The following ZNF76 variants were observed in gnomAD, a reference collection of about 807,000 sequenced individuals.
ZNF76 encodes zinc finger protein 523.
ZNF76 carries 66 observed loss-of-function variants against 66.9 expected under a neutral mutation model. The ratio of observed to expected loss-of-function variants is 0.99; its 90% CI spans 0.81 to 1.21. The LOEUF is 1.21. Ranked by LOEUF, ZNF76 falls within the 50% of genes most tolerant of loss-of-function variation. The pLI is 0.00. For missense variants in ZNF76, 729 were observed against 760.3 expected (o/e 0.96, Z 0.48); for synonymous variants, 275 against 296.1 (o/e 0.93, Z 0.73).
intron 1 of ZNF76, among the ~76,000 whole-genome samples, chr6:35,272,620 TAGAAAA>T (rs1203845187): frequency 6.6e-6 from 1 of 152,206 alleles, no homozygotes; most frequent in Non-Finnish European, 1.5e-5. Flanking sequence ...CAGCATGAAT[TAGAAAA>T]GAAGTAGATT....
chr6:35,291,818 C>A, intron 9 of ZNF76, 81 bp downstream of exon 9: 1 of 1,522,108 alleles, frequency 6.6e-7, no homozygotes. Flanking sequence ...AGACACATTC[C>A]CAACTCCCAG....
At chr6:35,269,302 AAT>A (rs1491023556) in intron 1 of ZNF76, among the ~76,000 whole-genome samples, 7 of 147,230 alleles carry the variant, frequency 4.8e-5, no homozygotes, top group African/African-American at 1.9e-4. Flanking sequence ...AAAAAAAAAA[AAT>A]GTATGAGGCG....
At chr6:35,288,246 G>T (rs1418782353) in intron 5 of ZNF76, 1 of 399,032 alleles carries the variant, frequency 2.5e-6, no homozygotes, top group Non-Finnish European at 5.0e-6. Flanking sequence ...CTAGTCCACT[G>T]AGGTAATTGT....
Position 35,281,040 on chromosome 6 carries a change from C to G in ZNF76, c.-96-16C>G, listed in dbSNP as rs1788705099. 3.8e-6 allele frequency: 4 copies of G among 1,046,716 alleles called. No individual in the cohort carries two copies. In the South Asian group the frequency reaches 5.1e-5, roughly 13 times the overall value. The allele number at this position is 1,046,716 out of a possible 1,614,324, so 64.8% of individuals were successfully genotyped here. On this transcript the variant is annotated splice_polypyrimidine_tract_variant and intron_variant, in intron 1 of 13. Coordinates refer to ENST00000373953, the MANE Select transcript of ZNF76 (RefSeq NM_003427.5). ...AAGCTGGTTAACTCATAATGTGATA[C>G]TGTTTATTTTCTTAGATTTGTGACC...
chr6:35,293,157 A>T, intron 11 of ZNF76, 113 bp downstream of exon 11: 1 of 1,322,096 alleles, frequency 7.6e-7, no homozygotes, highest in Admixed American at 2.5e-5. Context: ...CTTCTTGTTT[A>T]AGTTTTATAG....
chr6:35,281,807 G>T (rs1044588129), intron 2 of ZNF76, among the ~76,000 whole-genome samples: 9 of 151,958 alleles, frequency 5.9e-5, no homozygotes, highest in Admixed American at 1.3e-4. Flanking sequence ...GCAGCAGCAT[G>T]CACCTTTAGT....
Position 35,290,654 on chromosome 6 carries a change from CT to C in ZNF76, c.564del (p.His189IlefsTer24). ...TTGTCCTCACAGGTGCATGAACGAG[CT>C]CATACAGGTGACCGTCCATACAGAT... ...TAHHLKVHER[A>X]HTGDRPYRCD... is the part of the protein sequence containing the mutation. On this transcript the variant is annotated frameshift_variant, in exon 7 of 14. Transcript: ENST00000373953. LOFTEE classifies it high-confidence loss of function. 1.9e-6 allele frequency: 3 copies of C among 1,614,202 alleles called. No individual in the cohort carries two copies. Among genetic ancestry groups the C allele is most frequent in the Non-Finnish European group, 2.5e-6 (3 of 1,180,020 alleles).
In ZNF76 at chr6:35,295,849, G is replaced by A. The variant is rs571158758; in HGVS notation, c.*601G>A. ...TCTCTATGGCAGAGAGGCAGGGAGT[G>A]GCCCTGTACATAGACTGCTGGGGAT... On this transcript the variant is annotated 3_prime_UTR_variant, in exon 14 of 14. Transcript: ENST00000373953. 4.9e-5 allele frequency: 8 copies of A among 163,080 alleles called. No individual in the cohort carries two copies. In the South Asian group the frequency reaches 1.3e-3, roughly 26 times the overall value. The allele number at this position is 163,080 out of a possible 1,614,324, so 10.1% of individuals were successfully genotyped here. A position where few individuals can be genotyped will look rare whatever the true frequency, so the allele number is the denominator to read the frequency against.
Position 35,295,271 on chromosome 6 carries a change from A to G in ZNF76, c.*23A>G. 5.1e-6 allele frequency: 8 copies of G among 1,567,406 alleles called. No homozygotes were observed. Among genetic ancestry groups the G allele is most frequent in the Non-Finnish European group, 6.9e-6 (8 of 1,154,278 alleles). On this transcript the variant is annotated 3_prime_UTR_variant, in exon 14 of 14. Coordinates refer to ENST00000373953, the MANE Select transcript of ZNF76 (RefSeq NM_003427.5). ...TGAGTCCAAGAGGGCTGGGTCCCAC[A>G]CCATGCTGGAGGAAGTGCCATCTGC...
intron 5 of ZNF76, 158 bp downstream of exon 5, chr6:35,288,003 G>A (rs1360842366): frequency 1.2e-6 from 1 of 834,308 alleles, no homozygotes; most frequent in Admixed American, 2.0e-5. Context: ...CTCCACCCCA[G>A]CTCCCCCAAC....
At chr6:35,278,025 T>A (rs1055583708) in intron 1 of ZNF76, among the ~76,000 whole-genome samples, 2 of 151,540 alleles carry the variant, frequency 1.3e-5, no homozygotes, top group African/African-American at 4.9e-5. Context: ...CCCGGCTAAT[T>A]TTTTGTATTT....
At chr6:35,291,821 A>C (rs1652039605) in intron 9 of ZNF76, 84 bp downstream of exon 9, 1 of 1,503,282 alleles carries the variant, frequency 6.7e-7, no homozygotes, top group South Asian at 1.2e-5. Context: ...CACATTCCCA[A>C]CTCCCAGCCC....
intron 1 of ZNF76, among the ~76,000 whole-genome samples, chr6:35,280,004 T>TA (rs1788521485): frequency 6.6e-6 from 1 of 151,486 alleles, no homozygotes; most frequent in Non-Finnish European, 1.5e-5. Context: ...GCTAATTTTT[T>TA]TTTTTTTGTA....
chr6:35,288,553 C>A (rs561526171), intron 5 of ZNF76, among the ~76,000 whole-genome samples: 2 of 152,226 alleles, frequency 1.3e-5, no homozygotes, highest in Non-Finnish European at 2.9e-5. Context: ...GCTTCCTGCA[C>A]GTTCCTTCCT....
In ZNF76 at chr6:35,286,131, A is replaced by G; in HGVS notation, c.77A>G (p.Glu26Gly). Residue 26 changes from glutamate (E) to glycine (G), a missense_variant, in exon 3 of 14, where the codon GAG becomes GGG. Glu to Gly is a moderately conservative substitution (Grantham distance 98, BLOSUM62 -2). Coordinates refer to ENST00000373953, the MANE Select transcript of ZNF76 (RefSeq NM_003427.5). ...TAYVQQAVKG[E>G]KLLEGQVIQL... Reference sequence around the variant, plus strand: ...TCTCTATTTCCACTCTTAACAGGAGAGAAGCTTCTTGAAGGGCAGGTGATC... The same window carrying G: ...TCTCTATTTCCACTCTTAACAGGAGGGAAGCTTCTTGAAGGGCAGGTGATC... The G allele has an allele frequency of 3.1e-6, 5 of 1,613,882 alleles. No individual in the cohort carries two copies. The highest frequency in any genetic ancestry group is 3.4e-6 in the Non-Finnish European group (4 of 1,179,854).
At chr6:35,294,732 G>A (rs1790937020) in intron 13 of ZNF76, 163 bp downstream of exon 13, 1 of 684,218 alleles carries the variant, frequency 1.5e-6, no homozygotes, top group Non-Finnish European at 2.6e-6. Flanking sequence ...TCTGTCTCAG[G>A]CTCGCTCTTG....
At chr6:35,264,861 G>A (rs1017289968) in intron 1 of ZNF76, among the ~76,000 whole-genome samples, 1 of 152,090 alleles carries the variant, frequency 6.6e-6, no homozygotes, top group African/African-American at 2.4e-5. Context: ...CTCAGCTTAG[G>A]TATGGTTTCT....
chr6:35,273,395 A>G (rs1029438088), intron 1 of ZNF76, among the ~76,000 whole-genome samples: 1 of 149,952 alleles, frequency 6.7e-6, no homozygotes, highest in African/African-American at 2.4e-5. Flanking sequence ...GTGATCTCGA[A>G]CTCCTGACCT....
rs933859093 is a variant in ZNF76, at chr6:35,260,945, A to T, written c.-97+1104A>T. Reference sequence around the variant, plus strand: ...TCACCCTCTTCACTCTTCATAGTGCATACCCATTTCCCTTGATCAGGCCCC... The same window carrying T: ...TCACCCTCTTCACTCTTCATAGTGCTTACCCATTTCCCTTGATCAGGCCCC... On this transcript the variant is annotated intron_variant, in intron 1 of 13. Transcript: ENST00000373953. Among the ~76,000 whole-genome samples, 73 of 152,174 alleles carry T rather than the reference A, an allele frequency of 4.8e-4. 1 individual carries two copies. The highest frequency in any genetic ancestry group is 1.7e-3 in the African/African-American group (70 of 41,446).
Sources: allele counts gnomAD v4.1 joint callset (sites outside exome capture counted in the v4.1 genomes callset), GRCh38; gene constraint gnomAD v4.1.1; transcripts MANE v1.5; gene names NCBI Gene and HGNC (gene_info 2026-07-23, HGNC 2026-07-21).